Variants in JAK3 observed in about 807,000 individuals in gnomAD.
JAK3 encodes tyrosine-protein kinase JAK3.
A neutral mutation model predicts 120.8 loss-of-function variants in JAK3; 88 were observed. The observed-to-expected ratio is 0.73, with a 90% CI of 0.61 to 0.87. JAK3 has a LOEUF of 0.87. Among genes scored for constraint, JAK3 ranks in the 40% least tolerant of loss-of-function variants. The pLI is 0.00. For missense variants in JAK3, 1,254 were observed against 1,501.4 expected (o/e 0.84, Z 2.72); for synonymous variants, 592 against 628.6 (o/e 0.94, Z 0.87).
At position 17,832,541 on chromosome 19, in the gene JAK3, A is replaced by C; in HGVS notation, c.2658T>G (p.Tyr886Ter). The C allele has an allele frequency of 6.2e-7, 1 of 1,614,232 alleles. No individual in the cohort carries two copies. The highest frequency in any genetic ancestry group is 8.5e-7 in the Non-Finnish European group (1 of 1,180,046). The change falls in exon 19 of 24, where the codon TAT becomes TAG. Residue 886 changes from tyrosine to a stop codon, truncating the protein, a stop_gained. Coordinates refer to ENST00000458235, the MANE Select transcript of JAK3 (RefSeq NM_000215.4). LOFTEE classifies it high-confidence loss of function. This position sits in a 1 kb window ranked among gnomAD's most constrained non-coding sequence, Gnocchi z 4.7. ...CACCCGGGCCATAGCTGACACCACG[A>C]TACTTGACAATGAAATCACTGTGCA... Reference protein sequence around the residue: ...KALHSDFIVKYRGVSYGPGRQ... With the variant: ...KALHSDFIVK
intron 17 of JAK3, among the ~76,000 whole-genome samples, chr19:17,833,264 C>T (rs772163744): frequency 1.3e-5 from 2 of 152,180 alleles, no homozygotes; most frequent in Non-Finnish European, 2.9e-5. Flanking sequence ...TGCTGGGTGC[C>T]CCTCCAGTCC....
rs370136576 is a variant in JAK3, at chr19:17,847,532, C to T, written c.-14+414G>A. Reference sequence around the variant, plus strand: ...CTCCTGGCCTCAAGCTATCCTCCCGCCTCGGCATCCCCTGTTTATAATCCT... The same window carrying T: ...CTCCTGGCCTCAAGCTATCCTCCCGTCTCGGCATCCCCTGTTTATAATCCT... On this transcript the variant is annotated intron_variant, in intron 1 of 23. Transcript: ENST00000458235. 1.1e-4 allele frequency among the ~76,000 whole-genome samples: 16 copies of T among 152,276 alleles called. No individual in the cohort carries two copies. In the South Asian group the frequency reaches 2.3e-3, roughly 22 times the overall value.
At position 17,840,132 on chromosome 19, in the gene JAK3, T is replaced by C. The variant is rs2094234533; in HGVS notation, c.1254+98A>G. 1.1e-5 allele frequency: 9 copies of C among 836,414 alleles called. No individual in the cohort carries two copies. The South Asian group carries it at 1.3e-4, about 12-fold the overall frequency. 51.8% of individuals were successfully genotyped at this position (836,414 alleles called of 1,614,324 possible). On this transcript the variant is annotated intron_variant, in intron 9 of 23. Transcript: ENST00000458235. ...CACCGGGGGTGTCTTTTCCCTCCTA[T>C]TCTTCAGGAACCAAATGCTGACTGA... is the stretch of plus-strand genomic sequence containing the variant.
rs2094239935 is a variant in JAK3 at position 17,841,831 on chromosome 19, C to T, written c.862-69G>A. ...CCGCCAAACCACGCCCATGAACCCA[C>T]CCCCAAGCCACACCATCCACTCCCT... On this transcript the variant is annotated intron_variant, in intron 6 of 23. Transcript: ENST00000458235. The surrounding 1 kb of genome is among the most constrained non-coding windows in gnomAD (Gnocchi z 4.1). 2 of 1,590,660 alleles carry T rather than the reference C, an allele frequency of 1.3e-6. No homozygotes were observed. Among genetic ancestry groups the T allele is most frequent in the South Asian group, 2.2e-5 (2 of 90,550 alleles).
intron 15 of JAK3, 24 bp from the exon 16 acceptor site, chr19:17,835,027 G>A: frequency 1.2e-6 from 2 of 1,614,158 alleles, no homozygotes; most frequent in Non-Finnish European, 1.7e-6. Flanking sequence ...AGTGGGATCA[G>A]GGATCCACTT....
At chr19:17,834,438 A>G (rs1279838929) in intron 17 of JAK3, 133 bp downstream of exon 17, 1 of 868,454 alleles carries the variant, frequency 1.2e-6, no homozygotes, top group Non-Finnish European at 1.9e-6. Flanking sequence ...TGAAGCTCAC[A>G]CTGACTGTCA....
At chr19:17,839,074 G>A (rs1003535966) in intron 10 of JAK3, 42 of 357,184 alleles carry the variant, frequency 1.2e-4, no homozygotes, top group East Asian at 8.3e-4. Flanking sequence ...TGGGATGAGC[G>A]ACAAGGAAGG....
Position 17,830,502 on chromosome 19 carries a change from C to A in JAK3, c.3096+1G>T. ...CTGGGGGCTCTGGGAAGCCGACTCA[C>A]GGCCGAGGGGCTGCAGCTTTTGTCG... On this transcript the variant is annotated splice_donor_variant, in intron 22 of 23. Coordinates refer to ENST00000458235, the MANE Select transcript of JAK3 (RefSeq NM_000215.4). LOFTEE classifies it high-confidence loss of function. The A allele has an allele frequency of 6.2e-7, 1 of 1,611,638 alleles. No individual in the cohort carries two copies. The highest frequency in any genetic ancestry group is 8.5e-7 in the Non-Finnish European group (1 of 1,178,334).
At chr19:17,836,171 C>A in intron 13 of JAK3, 120 bp from the exon 14 acceptor site, 1 of 1,141,524 alleles carries the variant, frequency 8.8e-7, no homozygotes. Context: ...GTTCCCTCCC[C>A]TGCTGCCTCT....
Position 17,835,152 on chromosome 19 carries a change from C to A in JAK3, c.1978G>T (p.Ala660Ser), listed in dbSNP as rs2147683046. The A allele has an allele frequency of 6.2e-7, 1 of 1,614,240 alleles. No individual in the cohort carries two copies. The highest frequency in any genetic ancestry group is 8.5e-7 in the Non-Finnish European group (1 of 1,180,050). The change falls in exon 15 of 24, where the codon GCT becomes TCT. Residue 660 changes from alanine (A) to serine (S), a missense_variant. Ala to Ser is a moderately conservative substitution (Grantham distance 99). Coordinates refer to ENST00000458235, the MANE Select transcript of JAK3 (RefSeq NM_000215.4). The stretch of plus-strand genomic sequence containing the variant: ...TTGATGAAGGGCGGGCTCCCATCAG[C>A]CCCCTCCCGAGCCAGGAGCACCTTC... The part of the protein sequence containing the change: ...ARKVLLAREG[A>S]DGSPPFIKLS...
chr19:17,840,295 C>T lies in JAK3; in HGVS notation c.1189G>A (p.Gly397Ser). The change falls in exon 9 of 24, where the codon GGC becomes AGC. Residue 397 changes from glycine (G) to serine (S), a missense_variant. Gly to Ser is a moderately conservative substitution (Grantham distance 56). Coordinates refer to ENST00000458235, the MANE Select transcript of JAK3 (RefSeq NM_000215.4). ...NKLKTGGSRP[G>S]SYVLRRSPQD... ...GGGCTGCGGCGGAGAACATAGGAGC[C>T]AGGACGTGAGCCCCCAGTCTTGAGC... The T allele has an allele frequency of 6.2e-7, 1 of 1,614,002 alleles. No individual in the cohort carries two copies. Among genetic ancestry groups the T allele is most frequent in the Non-Finnish European group, 8.5e-7 (1 of 1,180,014 alleles).
At position 17,837,057 on chromosome 19, in the gene JAK3, A is replaced by G. The variant is rs1386490506; in HGVS notation, c.1786+72T>C. The G allele has an allele frequency of 1.0e-5, 10 of 970,584 alleles. No individual in the cohort carries two copies. In the African/African-American group the frequency reaches 1.4e-4, roughly 13 times the overall value. 60.1% of individuals were successfully genotyped at this position (970,584 alleles called of 1,614,324 possible). ...TGCTGGGGCTGTCATATAGCGGCTC[A>G]GAACAGAGGTGGGAAGAACAGCCTA... On this transcript the variant is annotated intron_variant, in intron 13 of 23. Transcript: ENST00000458235.
Position 17,842,503 on chromosome 19 carries a change from GC to G in JAK3, c.673del (p.Ala225ProfsTer75). The G allele has an allele frequency of 6.3e-7, 1 of 1,595,880 alleles. No homozygotes were observed. The highest frequency in any genetic ancestry group is 8.5e-7 in the Non-Finnish European group (1 of 1,171,990). ...RTVRRALRRV[A>X]ACQADRHSLM... ...CGAGTGCCGGTCTGCCTGGCAGGCG[GC>G]CACGCGGCGCAGGGCTCTGCGCACC... On this transcript the variant is annotated frameshift_variant, in exon 6 of 24. Coordinates refer to ENST00000458235, the MANE Select transcript of JAK3 (RefSeq NM_000215.4). LOFTEE classifies it high-confidence loss of function. This position sits in a 1 kb window ranked among gnomAD's most constrained non-coding sequence, Gnocchi z 6.4.
chr19:17,832,507 G>A lies in JAK3; in HGVS notation c.2680+12C>T. ...CATACGTCTTGGTTCACTCATCCGGGAGCTGGCTCACCCGGGCCATAGCTG... is the reference window on the plus strand; with the variant it reads ...CATACGTCTTGGTTCACTCATCCGGAAGCTGGCTCACCCGGGCCATAGCTG... On this transcript the variant is annotated intron_variant, in intron 19 of 23. Transcript: ENST00000458235. This position sits in a 1 kb window ranked among gnomAD's most constrained non-coding sequence, Gnocchi z 4.7. 2 of 1,614,062 alleles carry A rather than the reference G, an allele frequency of 1.2e-6. No individual in the cohort carries two copies. Among genetic ancestry groups the A allele is most frequent in the Non-Finnish European group, 1.7e-6 (2 of 1,179,948 alleles).
At chr19:17,846,250 A>T (rs1331188494) in intron 1 of JAK3, among the ~76,000 whole-genome samples, 1 of 152,198 alleles carries the variant, frequency 6.6e-6, no homozygotes, top group Non-Finnish European at 1.5e-5. Flanking sequence ...GTGTCAACTC[A>T]ATTAATGTGC....
Position 17,832,649 on chromosome 19 carries a change from G to T in JAK3, c.2550C>A (p.Ala850=), listed in dbSNP as rs2094216419. The part of the protein sequence containing the change: ...RYDPLGDNTG[A]LVAVKQLQHS... ...GCTGCAGCTGTTTCACGGCCACCAGGGCACCTGTATTGTCGCCTAGCGGGT... is the reference window on the plus strand; with the variant it reads ...GCTGCAGCTGTTTCACGGCCACCAGTGCACCTGTATTGTCGCCTAGCGGGT... Residue 850 remains alanine (A), a synonymous_variant, in exon 19 of 24, where the codon GCC becomes GCA. Transcript: ENST00000458235. This position sits in a 1 kb window ranked among gnomAD's most constrained non-coding sequence, Gnocchi z 4.7. 1 of 1,614,212 alleles carries T rather than the reference G, an allele frequency of 6.2e-7. No individual in the cohort carries two copies. Among genetic ancestry groups the T allele is most frequent in the African/African-American group, 1.3e-5 (1 of 75,044 alleles).
In JAK3 at chr19:17,843,512, C is replaced by T. The variant is rs201867962; in HGVS notation, c.309-21G>A. 6.5e-7 allele frequency: 1 copy of T among 1,549,086 alleles called. No individual in the cohort carries two copies. The highest frequency in any genetic ancestry group is 8.8e-7 in the Non-Finnish European group (1 of 1,136,228). On this transcript the variant is annotated intron_variant, in intron 3 of 23. Transcript: ENST00000458235. The surrounding 1 kb of genome is among the most constrained non-coding windows in gnomAD (Gnocchi z 5.4). ...AAAAGCTGTGAGGAGAGGAGAGAAC[C>T]CTGGGATGAAAGTGCAACCCAGCCT...
At position 17,838,060 on chromosome 19, in the gene JAK3, C is replaced by A; in HGVS notation, c.1573G>T (p.Glu525Ter). ...KIPADSLEWH[E>*]NLGHGSFTKI... ...GTGAAGGACCCATGGCCCAGGTTCT[C>A]ATGCTGAATGGTGAGGGGACAGCAG... The change falls in exon 12 of 24, where the codon GAG (glutamate) becomes TAG (stop). Residue 525 changes from glutamate to a stop codon, truncating the protein, a stop_gained. Coordinates refer to ENST00000458235, the MANE Select transcript of JAK3 (RefSeq NM_000215.4). LOFTEE classifies it high-confidence loss of function. The A allele has an allele frequency of 6.2e-7, 1 of 1,614,166 alleles. No individual in the cohort carries two copies. Among genetic ancestry groups the A allele is most frequent in the South Asian group, 1.1e-5 (1 of 91,068 alleles).
intron 10 of JAK3, 152 bp from the exon 11 acceptor site, chr19:17,838,542 T>G: frequency 1.1e-6 from 1 of 885,272 alleles, no homozygotes; most frequent in South Asian, 1.4e-5. Context: ...TTGTTTTTGT[T>G]TTGTTGTTGC....
Sources: allele counts gnomAD v4.1 joint callset (sites outside exome capture counted in the v4.1 genomes callset), GRCh38; gene constraint gnomAD v4.1.1; non-coding constraint Gnocchi (gnomAD v3.1); transcripts MANE v1.5; gene names NCBI Gene and HGNC (gene_info 2026-07-23, HGNC 2026-07-21).